Variants in NCS1 observed in about 807,000 individuals in gnomAD.
NCS1 encodes the protein frequenin homolog.
Under a neutral mutation model 28.4 loss-of-function variants are expected in NCS1, and 6 were observed. The ratio of observed to expected loss-of-function variants is 0.21; its 90% CI spans 0.12 to 0.42. NCS1 has a LOEUF of 0.42. Among genes scored for constraint, NCS1 ranks in the 10% least tolerant of loss-of-function variants. The pLI, the probability that NCS1 is intolerant of heterozygous loss-of-function variation, is 1.00. For synonymous variants in NCS1, 86 were observed against 99.3 expected, an observed-to-expected ratio of 0.87 and a Z score of 0.79; for missense variants, 131 against 241.4, an observed-to-expected ratio of 0.54 and a Z score of 3.03.
intron 7 of NCS1, among the ~76,000 whole-genome samples, chr9:130,230,448 C>G (rs990172088): frequency 1.2e-4 from 18 of 152,170 alleles, no homozygotes; most frequent in African/African-American, 4.3e-4. Context: ...GTCACTCACA[C>G]CTATCATCCC....
At chr9:130,173,324 C>T (rs560343295) in intron 1 of NCS1, among the ~76,000 whole-genome samples, 3 of 152,242 alleles carry the variant, frequency 2.0e-5, no homozygotes, top group African/African-American at 7.2e-5. Context: ...CTCTGTCTGC[C>T]ACACCGGGAA....
At chr9:130,220,963 G>A (rs969124914) in intron 4 of NCS1, among the ~76,000 whole-genome samples, 3 of 151,936 alleles carry the variant, frequency 2.0e-5, no homozygotes, top group African/African-American at 4.8e-5. Context: ...GCTCTCCCAC[G>A]CACTCAGCTC....
chr9:130,176,886 C>A (rs1404652152), intron 1 of NCS1, among the ~76,000 whole-genome samples: 1 of 152,232 alleles, frequency 6.6e-6, no homozygotes, highest in Non-Finnish European at 1.5e-5. Flanking sequence ...CCCTTAAAGG[C>A]TTCTGAGGCC....
chr9:130,223,166 TG>T lies in NCS1; in HGVS notation c.474+14del, dbSNP rs781881932. ...CTTTGCCATGATGGATAAGGTGAGG[TG>T]GGGGGGCGGGGCTGGTCCTGGACCA... is the stretch of plus-strand genomic sequence containing the variant. On this transcript the variant is annotated splice_region_variant and intron_variant, in intron 6 of 7. Transcript: ENST00000372398. The T allele has an allele frequency of 4.4e-5, 39 of 878,560 alleles. 1 individual carries two copies. Among genetic ancestry groups the T allele is most frequent in the Non-Finnish European group, 5.3e-5 (31 of 589,066 alleles). The allele number at this position is 878,560 out of a possible 1,614,324, so 54.4% of individuals were successfully genotyped here.
At position 130,234,169 on chromosome 9, in the gene NCS1, A is replaced by G. The variant is rs1352298579; in HGVS notation, c.*1197A>G. The G allele has an allele frequency of 1.3e-5, 2 of 152,132 alleles. No individual in the cohort carries two copies. Among genetic ancestry groups the G allele is most frequent in the South Asian group, 2.1e-4 (1 of 4,820 alleles). The allele number at this position is 152,132 out of a possible 1,614,324, so 9.4% of individuals were successfully genotyped here. ...CTTGGGCTGGGGAGGGGATTTCAAG[A>G]TAGTTCATGACTCTCTCCCGCTCTG... On this transcript the variant is annotated 3_prime_UTR_variant, in exon 8 of 8. Transcript: ENST00000372398. The surrounding 1 kb of genome is among the most constrained non-coding windows in gnomAD (Gnocchi z 6.1).
At chr9:130,198,531 C>T (rs1368392049) in intron 1 of NCS1, among the ~76,000 whole-genome samples, 1 of 152,218 alleles carries the variant, frequency 6.6e-6, no homozygotes. Flanking sequence ...GGGGCACCGT[C>T]CCAGCTCTGC....
chr9:130,217,600 C>T (rs2131150417), intron 2 of NCS1, among the ~76,000 whole-genome samples: 1 of 152,302 alleles, frequency 6.6e-6, no homozygotes, highest in East Asian at 1.9e-4. Flanking sequence ...CAGTTCGTAA[C>T]CCCCTTATGC....
chr9:130,224,721 C>T (rs1554911170), intron 6 of NCS1, among the ~76,000 whole-genome samples: 2 of 152,010 alleles, frequency 1.3e-5, no homozygotes, highest in African/African-American at 4.8e-5. Context: ...ACAGGATTTA[C>T]CTATATAACA....
chr9:130,188,739 G>A (rs578232558), intron 1 of NCS1, among the ~76,000 whole-genome samples: 7 of 150,576 alleles, frequency 4.6e-5, no homozygotes, highest in Non-Finnish European at 8.9e-5. Flanking sequence ...TTTTTGAGAC[G>A]GGGATCTCAC....
At chr9:130,194,524 T>C (rs992505054) in intron 1 of NCS1, among the ~76,000 whole-genome samples, 3 of 152,058 alleles carry the variant, frequency 2.0e-5, no homozygotes, top group Non-Finnish European at 4.4e-5. Context: ...CAGCCCCCCC[T>C]CTCCCAGGGC....
In NCS1 at chr9:130,194,518, C is replaced by T. The variant is rs539932829; in HGVS notation, c.65-6440C>T. ...AAGGGGAGTAGAGTGGATGCCCAGCCCCCCCTCTCCCAGGGCCCTGTGTCG... is the reference window on the plus strand; with the variant it reads ...AAGGGGAGTAGAGTGGATGCCCAGCTCCCCCTCTCCCAGGGCCCTGTGTCG... On this transcript the variant is annotated intron_variant, in intron 1 of 7. Transcript: ENST00000372398. Among the ~76,000 whole-genome samples, 77 of 152,258 alleles carry T rather than the reference C, an allele frequency of 5.1e-4. No homozygotes were observed. The South Asian group carries it at 5.8e-3, about 11-fold the overall frequency.
chr9:130,219,146 G>A lies in NCS1; in HGVS notation c.229-579G>A, dbSNP rs1554909834. 6.6e-6 allele frequency among the ~76,000 whole-genome samples: 1 copy of A among 152,092 alleles called. No homozygotes were observed. Among genetic ancestry groups the A allele is most frequent in the Non-Finnish European group, 1.5e-5 (1 of 68,028 alleles). On this transcript the variant is annotated intron_variant, in intron 3 of 7. Transcript: ENST00000372398. This position sits in a 1 kb window ranked among gnomAD's most constrained non-coding sequence, Gnocchi z 5.7. ...TTCTGTCCTGCAGTAGCATTTGAGG[G>A]TGGATTTACTGCCACTTGTCTCTGT...
At chr9:130,218,886 C>T (rs1416597117) in intron 3 of NCS1, among the ~76,000 whole-genome samples, 4 of 152,126 alleles carry the variant, frequency 2.6e-5, no homozygotes, top group Non-Finnish European at 5.9e-5. Flanking sequence ...CCCCCTTGCC[C>T]GGCCATACAT....
chr9:130,202,635 A>G (rs534205677), intron 2 of NCS1, among the ~76,000 whole-genome samples: 1 of 148,820 alleles, frequency 6.7e-6, no homozygotes, highest in Non-Finnish European at 1.5e-5. Flanking sequence ...GCTAGAGTGC[A>G]GTGGCATGAT....
At chr9:130,199,679 C>T (rs1276239551) in intron 1 of NCS1, among the ~76,000 whole-genome samples, 4 of 152,226 alleles carry the variant, frequency 2.6e-5, no homozygotes, top group Non-Finnish European at 4.4e-5. Context: ...AGAGGCCCGC[C>T]CTGGGCGCAG....
At chr9:130,223,722 C>T (rs1301366155) in intron 6 of NCS1, among the ~76,000 whole-genome samples, 1 of 152,084 alleles carries the variant, frequency 6.6e-6, no homozygotes, top group Non-Finnish European at 1.5e-5. Context: ...GGGACCGTCG[C>T]CTAGGTTTCC....
At chr9:130,231,444 C>T (rs1473435967) in intron 7 of NCS1, among the ~76,000 whole-genome samples, 1 of 151,664 alleles carries the variant, frequency 6.6e-6, no homozygotes, top group Non-Finnish European at 1.5e-5. Flanking sequence ...AGTGCAATGA[C>T]GTGATCTTGG....
rs1554912852 is a variant in NCS1, at chr9:130,235,371, C to T, written c.*2399C>T. On this transcript the variant is annotated 3_prime_UTR_variant, in exon 8 of 8. Transcript: ENST00000372398. ...GGGAGGTCTTTCCCAGGTCAAATTA[C>T]TTTCCTTTGGCCTCTGCCTGAGGCT... 1 of 152,472 alleles carries T rather than the reference C, an allele frequency of 6.6e-6. No individual in the cohort carries two copies. The highest frequency in any genetic ancestry group is 6.5e-5 in the Admixed American group (1 of 15,288). The allele number at this position is 152,472 out of a possible 1,614,324, so 9.4% of individuals were successfully genotyped here. A position where few individuals can be genotyped will look rare whatever the true frequency, so the allele number is the denominator to read the frequency against.
At position 130,232,193 on chromosome 9, in the gene NCS1, T is replaced by C. The variant is rs1051168324; in HGVS notation, c.*18-797T>C. Among the ~76,000 whole-genome samples the C allele has an allele frequency of 2.0e-5, 3 of 152,176 alleles. No individual in the cohort carries two copies. Among genetic ancestry groups the C allele is most frequent in the Non-Finnish European group, 2.9e-5 (2 of 68,022 alleles). Reference sequence around the variant, plus strand: ...AACTCCTGGCCTCAAGCGATCCTCCTGCCTTGGCCTCCCAAAGTGCTAGAT... The same window carrying C: ...AACTCCTGGCCTCAAGCGATCCTCCCGCCTTGGCCTCCCAAAGTGCTAGAT... On this transcript the variant is annotated intron_variant, in intron 7 of 7. Transcript: ENST00000372398. This position sits in a 1 kb window ranked among gnomAD's most constrained non-coding sequence, Gnocchi z 4.4.
Sources: gnomAD v4.1 joint callset for allele counts (sites outside exome capture counted in the v4.1 genomes callset) on GRCh38, gnomAD v4.1.1 for gene constraint, Gnocchi (gnomAD v3.1) non-coding constraint, MANE v1.5 for transcripts, NCBI Gene and HGNC (gene_info 2026-07-23, HGNC 2026-07-21) for gene names.